The following ZNF804A variants were observed in gnomAD, a reference collection of about 807,000 sequenced individuals.
The protein encoded by ZNF804A is zinc finger protein 804A.
Under a neutral mutation model 16.5 loss-of-function variants are expected in ZNF804A, and 2 were observed. The observed-to-expected ratio is 0.12, with a 90% confidence interval of 0.05 to 0.38. The LOEUF (loss-of-function observed/expected upper bound fraction) is 0.38. Ranked by LOEUF, ZNF804A falls within the 10% of genes least tolerant of loss-of-function variation. The pLI, the probability that ZNF804A is intolerant of heterozygous loss-of-function variation, is 0.99. For missense variants in ZNF804A, 1,473 were observed against 1,390.7 expected, an observed-to-expected ratio of 1.06 and a Z score of -0.94; for synonymous variants, 534 against 489.6, an observed-to-expected ratio of 1.09 and a Z score of -1.20.
chr2:184,858,096 C>G (rs1403634092), intron 1 of ZNF804A, among the ~76,000 whole-genome samples: 2 of 151,846 alleles, frequency 1.3e-5, no homozygotes, highest in Non-Finnish European at 2.9e-5. Flanking sequence ...TAGTGATAGA[C>G]TTTTATTCCT....
chr2:184,937,949 A>G lies in ZNF804A; in HGVS notation c.2553A>G (p.Glu851=), dbSNP rs1056000359. The G allele has an allele frequency of 6.2e-7, 1 of 1,613,878 alleles. No individual in the cohort carries two copies. Among genetic ancestry groups the G allele is most frequent in the South Asian group, 1.1e-5 (1 of 91,082 alleles). Residue 851 remains glutamate (E), a synonymous_variant, in exon 4 of 4, where the codon GAA becomes GAG. Coordinates refer to ENST00000302277, the MANE Select transcript of ZNF804A (RefSeq NM_194250.2). ...ATCCTCTGGATAGGTTAATAAGTGAAGACAAAAAAGAGAAAATGAAACCAC... is the reference window on the plus strand; with the variant it reads ...ATCCTCTGGATAGGTTAATAAGTGAGGACAAAAAAGAGAAAATGAAACCAC... The part of the protein sequence containing the change: ...SLNPLDRLIS[E]DKKEKMKPQE...
At position 184,936,739 on chromosome 2, in the gene ZNF804A, C is replaced by G. The variant is rs1376727734; in HGVS notation, c.1343C>G (p.Thr448Ser). Residue 448 changes from threonine (T) to serine (S), a missense_variant, in exon 4 of 4, where the codon ACT becomes AGT. Coordinates refer to ENST00000302277, the MANE Select transcript of ZNF804A (RefSeq NM_194250.2). ...QWPSEMLVYT[T>S]TKPSISYSCN... ...CCATCAGAAATGCTGGTTTATACAA[C>G]TACGAAACCATCAATTTCCTATAGC... 1 of 1,613,874 alleles carries G rather than the reference C, an allele frequency of 6.2e-7. No homozygotes were observed. Among genetic ancestry groups the G allele is most frequent in the Non-Finnish European group, 8.5e-7 (1 of 1,179,890 alleles).
At chr2:184,749,913 A>T (rs1006994477) in intron 1 of ZNF804A, among the ~76,000 whole-genome samples, 1 of 151,336 alleles carries the variant, frequency 6.6e-6, no homozygotes, top group Non-Finnish European at 1.5e-5. Flanking sequence ...ATCCTGCAAA[A>T]GTATAAAGAT....
intron 1 of ZNF804A, among the ~76,000 whole-genome samples, chr2:184,672,042 A>G (rs1274631358): frequency 1.3e-5 from 2 of 152,218 alleles, no homozygotes; most frequent in Admixed American, 1.3e-4. Context: ...GGAAGCTTAA[A>G]TGCTGCACCT....
At chr2:184,886,601 C>T (rs900726376) in intron 2 of ZNF804A, among the ~76,000 whole-genome samples, 2 of 152,256 alleles carry the variant, frequency 1.3e-5, no homozygotes, top group African/African-American at 4.8e-5. Context: ...CCAGGCATTT[C>T]CATACATCTT....
At chr2:184,668,778 A>G (rs1692293968) in intron 1 of ZNF804A, among the ~76,000 whole-genome samples, 1 of 152,068 alleles carries the variant, frequency 6.6e-6, no homozygotes, top group Non-Finnish European at 1.5e-5. Flanking sequence ...AGAACAATGT[A>G]TCTACAAGGT....
chr2:184,915,477 G>A lies in ZNF804A; in HGVS notation c.256-18126G>A, dbSNP rs372046767. Among the ~76,000 whole-genome samples the A allele has an allele frequency of 2.6e-5, 4 of 151,998 alleles. No individual in the cohort carries two copies. The South Asian group carries it at 6.2e-4, about 24-fold the overall frequency. ...CACTTGAGTTTCTATTACTCTCACT[G>A]TACTATCCAATGTTTTCTTAGCAAA... On this transcript the variant is annotated intron_variant, in intron 2 of 3. Transcript: ENST00000302277.
chr2:184,888,259 C>T lies in ZNF804A; in HGVS notation c.255+21747C>T, dbSNP rs190168948. Among the ~76,000 whole-genome samples the T allele has an allele frequency of 9.6e-4, 145 of 151,802 alleles. 2 individuals carry two copies. The East Asian group carries it at 0.011, about 11-fold the overall frequency. On this transcript the variant is annotated intron_variant, in intron 2 of 3. Transcript: ENST00000302277. ...ATGAAAGTAATTATAAAATTTTCTC[C>T]GAGAAGTAAAGCAGAATTTCAAGTG... is the stretch of plus-strand genomic sequence containing the variant.
At chr2:184,930,947 C>A (rs1685688697) in intron 2 of ZNF804A, among the ~76,000 whole-genome samples, 1 of 152,162 alleles carries the variant, frequency 6.6e-6, no homozygotes, top group South Asian at 2.1e-4. Context: ...ACTCACAGTT[C>A]CACATGGCTG....
intron 1 of ZNF804A, among the ~76,000 whole-genome samples, chr2:184,801,893 A>T (rs1297736331): frequency 6.6e-6 from 1 of 152,162 alleles, no homozygotes; most frequent in Admixed American, 6.5e-5. Context: ...AGCGATGGAA[A>T]TGGGGAAATA....
intron 1 of ZNF804A, among the ~76,000 whole-genome samples, chr2:184,852,532 C>T (rs1218749411): frequency 1.4e-5 from 2 of 139,230 alleles, no homozygotes; most frequent in African/African-American, 5.4e-5. Context: ...AGACTAATGT[C>T]ATAGAGATCT....
At chr2:184,615,471 ACT>A (rs774278234) in intron 1 of ZNF804A, among the ~76,000 whole-genome samples, 18 of 152,156 alleles carry the variant, frequency 1.2e-4, no homozygotes, top group Admixed American at 2.6e-4. Context: ...ACTGCCTTTA[ACT>A]CTCACAATTA....
intron 1 of ZNF804A, among the ~76,000 whole-genome samples, chr2:184,688,210 T>A (rs945445136): frequency 6.6e-6 from 1 of 152,090 alleles, no homozygotes; most frequent in Non-Finnish European, 1.5e-5. Context: ...ATATTCAATA[T>A]AGTGATAGAA....
intron 1 of ZNF804A, among the ~76,000 whole-genome samples, chr2:184,724,501 T>G (rs914417330): frequency 2.0e-5 from 3 of 151,466 alleles, no homozygotes; most frequent in Non-Finnish European, 4.4e-5. Context: ...ATACAGAAAT[T>G]CACGGAAGCA....
intron 1 of ZNF804A, among the ~76,000 whole-genome samples, chr2:184,857,215 T>G (rs2105806940): frequency 6.6e-6 from 1 of 152,226 alleles, no homozygotes; most frequent in Admixed American, 6.5e-5. Context: ...AAATTTTTCC[T>G]TTTAATTTCT....
At chr2:184,688,152 A>T (rs952302358) in intron 1 of ZNF804A, among the ~76,000 whole-genome samples, 32 of 152,238 alleles carry the variant, frequency 2.1e-4, no homozygotes, top group African/African-American at 7.5e-4. Context: ...GAACAATTTT[A>T]TAAACATATA....
rs541031753 is a variant in ZNF804A, at chr2:184,673,391, C to A, written c.111+74321C>A. On this transcript the variant is annotated intron_variant, in intron 1 of 3. Transcript: ENST00000302277. The stretch of plus-strand genomic sequence containing the variant: ...TAATTCATGTATCTGTGTTGCAATT[C>A]AAGTTACACATTTACCATATCTTGA... Among the ~76,000 whole-genome samples, 3 of 152,260 alleles carry A rather than the reference C, an allele frequency of 2.0e-5. No homozygotes were observed. In the East Asian group the frequency reaches 5.8e-4, roughly 29 times the overall value.
chr2:184,653,744 C>G (rs2105702033), intron 1 of ZNF804A, among the ~76,000 whole-genome samples: 1 of 152,302 alleles, frequency 6.6e-6, no homozygotes, highest in South Asian at 2.1e-4. Context: ...GCATGTTCTC[C>G]TGAGGCATTC....
chr2:184,860,424 G>T (rs911941536), intron 1 of ZNF804A, among the ~76,000 whole-genome samples: 1 of 152,242 alleles, frequency 6.6e-6, no homozygotes, highest in Admixed American at 6.5e-5. Flanking sequence ...TGGCTTAGCA[G>T]TGAATGAACC....
Sources: gnomAD v4.1 joint callset for allele counts (sites outside exome capture counted in the v4.1 genomes callset) on GRCh38, gnomAD v4.1.1 for gene constraint, MANE v1.5 for transcripts, NCBI Gene and HGNC (gene_info 2026-07-23, HGNC 2026-07-21) for gene names.